The following ARHGEF7 variants were observed in gnomAD, a reference collection of about 807,000 sequenced individuals.
ARHGEF7 encodes Rho guanine nucleotide exchange factor 7, also known as PAK-interacting exchange factor beta.
ARHGEF7 carries 33 observed loss-of-function variants against 109.8 expected under a neutral mutation model. The observed-to-expected ratio is 0.30, with a 90% confidence interval of 0.23 to 0.40. ARHGEF7 has a LOEUF of 0.40. Ranked by LOEUF, ARHGEF7 falls within the 10% of genes least tolerant of loss-of-function variation. The pLI is 1.00. For synonymous variants in ARHGEF7, 458 were observed against 424.6 expected (o/e 1.08, Z -0.97); for missense variants, 938 against 1,098.5 (o/e 0.85, Z 2.07).
Position 111,301,461 on chromosome 13 carries a change from T to G in ARHGEF7, c.2412-17T>G. 1 of 1,611,330 alleles carries G rather than the reference T, an allele frequency of 6.2e-7. No individual in the cohort carries two copies. The highest frequency in any genetic ancestry group is 1.7e-4 in the Middle Eastern group (1 of 6,052). ...CCTCACCTTGTTCATGTGTGTGTGTTCTGTTTCCTGTTTCAGGAGTCTTGT... is the reference window on the plus strand; with the variant it reads ...CCTCACCTTGTTCATGTGTGTGTGTGCTGTTTCCTGTTTCAGGAGTCTTGT... On this transcript the variant is annotated splice_polypyrimidine_tract_variant and intron_variant, in intron 20 of 21. Transcript: ENST00000646102.
At chr13:111,183,200 C>G (rs1038001782) in intron 2 of ARHGEF7, among the ~76,000 whole-genome samples, 1 of 152,172 alleles carries the variant, frequency 6.6e-6, no homozygotes, top group Non-Finnish European at 1.5e-5. Flanking sequence ...CACGCTATGT[C>G]ATTGTACTCG....
In ARHGEF7 at chr13:111,167,702, C is replaced by T. The variant is rs140918857; in HGVS notation, c.252+13711C>T. Among the ~76,000 whole-genome samples the T allele has an allele frequency of 1.3e-4, 20 of 152,356 alleles. No individual in the cohort carries two copies. In the South Asian group the frequency reaches 3.5e-3, roughly 27 times the overall value. On this transcript the variant is annotated intron_variant, in intron 2 of 21. Coordinates refer to ENST00000646102, the MANE Select transcript of ARHGEF7 (RefSeq NM_001354046.2). ...TAAAGGGAAATGTCCACTCTTCTCT[C>T]TCCCTCCTAAATACCCTAACCCTGC... is the stretch of plus-strand genomic sequence containing the variant.
intron 2 of ARHGEF7, among the ~76,000 whole-genome samples, chr13:111,175,771 C>A (rs1292212916): frequency 6.6e-6 from 1 of 152,188 alleles, no homozygotes; most frequent in African/African-American, 2.4e-5. Flanking sequence ...TGTTCTCACA[C>A]TGCTATAGAG....
At chr13:111,224,581 G>A (rs2084934472) in intron 5 of ARHGEF7, among the ~76,000 whole-genome samples, 1 of 152,234 alleles carries the variant, frequency 6.6e-6, no homozygotes, top group Non-Finnish European at 1.5e-5. Flanking sequence ...GTGTTTGGCA[G>A]TGATGTGAGA....
At chr13:111,136,876 G>T (rs2075112631) in intron 1 of ARHGEF7, among the ~76,000 whole-genome samples, 1 of 151,798 alleles carries the variant, frequency 6.6e-6, no homozygotes. Flanking sequence ...AAAGAGAGAA[G>T]AATCAAGTGG....
chr13:111,124,820 C>T (rs1403807895), intron 1 of ARHGEF7, among the ~76,000 whole-genome samples: 1 of 152,194 alleles, frequency 6.6e-6, no homozygotes, highest in African/African-American at 2.4e-5. Context: ...AGTCCAATGG[C>T]ACGATCTCGG....
intron 8 of ARHGEF7, among the ~76,000 whole-genome samples, chr13:111,244,538 G>A (rs1348999482): frequency 6.6e-6 from 1 of 152,150 alleles, no homozygotes; most frequent in South Asian, 2.1e-4. Context: ...AGGAAGAGTC[G>A]GGATGAAGAG....
chr13:111,293,215 T>TA lies in ARHGEF7; in HGVS notation c.2311+922dup, dbSNP rs1478079585. On this transcript the variant is annotated intron_variant, in intron 19 of 21. Transcript: ENST00000646102. ...CTGTAGTAGAGGCATTTGGAATACTTACAAAGTCAAGTGCTGTGGCTTCAG... is the reference window on the plus strand; with the variant it reads ...CTGTAGTAGAGGCATTTGGAATACTTAACAAAGTCAAGTGCTGTGGCTTCAG... 11 of 985,410 alleles carry TA rather than the reference T, an allele frequency of 1.1e-5. No individual in the cohort carries two copies. The East Asian group carries it at 1.1e-3, about 102-fold the overall frequency. 61.0% of individuals were successfully genotyped at this position (985,410 alleles called of 1,614,324 possible). A position where few individuals can be genotyped will look rare whatever the true frequency, so the allele number is the denominator to read the frequency against.
intron 12 of ARHGEF7, among the ~76,000 whole-genome samples, chr13:111,277,039 C>CT (rs937005971): frequency 5.3e-5 from 8 of 152,140 alleles, no homozygotes; most frequent in African/African-American, 1.9e-4. Context: ...GAAAACAACA[C>CT]TGAGTCGACA....
chr13:111,300,638 C>T, intron 19 of ARHGEF7, 110 bp from the exon 20 acceptor site: 2 of 721,126 alleles, frequency 2.8e-6, no homozygotes, highest in Admixed American at 2.9e-5. Flanking sequence ...TTTTTAAATG[C>T]ATAATTGCTA....
chr13:111,278,906 A>T (rs1174965556), intron 13 of ARHGEF7, among the ~76,000 whole-genome samples: 3 of 152,124 alleles, frequency 2.0e-5, no homozygotes, highest in African/African-American at 7.2e-5. Flanking sequence ...TTTGCCCTTG[A>T]TGTGTTGACA....
At position 111,145,515 on chromosome 13, in the gene ARHGEF7, G is replaced by A. The variant is rs189815416; in HGVS notation, c.166-8390G>A. Among the ~76,000 whole-genome samples the A allele has an allele frequency of 1.1e-4, 17 of 152,324 alleles. No homozygotes were observed. In the East Asian group the frequency reaches 2.3e-3, roughly 21 times the overall value. ...TGCCTGACAGGAGCCATGGTCTTCC[G>A]CGAGTGGTGTGTTGGTAAATGTTAA... On this transcript the variant is annotated intron_variant, in intron 1 of 21. Coordinates refer to ENST00000646102, the MANE Select transcript of ARHGEF7 (RefSeq NM_001354046.2). This position sits in a 1 kb window ranked among gnomAD's most constrained non-coding sequence, Gnocchi z 4.3.
At chr13:111,236,765 G>A (rs1276984611) in intron 6 of ARHGEF7, among the ~76,000 whole-genome samples, 1 of 152,136 alleles carries the variant, frequency 6.6e-6, no homozygotes, top group South Asian at 2.1e-4. Flanking sequence ...CTAGGAGTTT[G>A]ACACCAGCCT....
intron 17 of ARHGEF7, among the ~76,000 whole-genome samples, chr13:111,287,540 CA>C (rs772943624): frequency 3.4e-4 from 52 of 152,220 alleles, no homozygotes; most frequent in Admixed American, 3.1e-3. Flanking sequence ...AGACAAGAAA[CA>C]AAACAAGTGA....
intron 8 of ARHGEF7, among the ~76,000 whole-genome samples, chr13:111,260,111 G>T (rs917181529): frequency 6.6e-6 from 1 of 152,186 alleles, no homozygotes; most frequent in African/African-American, 2.4e-5. Flanking sequence ...CCTACAAGAT[G>T]TAGAAAATAG....
At chr13:111,191,949 A>G (rs114355149) in intron 2 of ARHGEF7, among the ~76,000 whole-genome samples, 3,646 of 152,316 alleles carry the variant, frequency 0.024, 74 homozygotes, top group Middle Eastern at 0.11. Context: ...CTGCTTAATC[A>G]TATGATGAAA....
At chr13:111,247,247 A>G (rs2089020088) in intron 8 of ARHGEF7, among the ~76,000 whole-genome samples, 1 of 151,412 alleles carries the variant, frequency 6.6e-6, no homozygotes, top group African/African-American at 2.4e-5. Context: ...CAAATGCCAT[A>G]TATATGTAGC....
chr13:111,270,374 T>G (rs886234923), intron 9 of ARHGEF7, among the ~76,000 whole-genome samples: 2 of 151,706 alleles, frequency 1.3e-5, no homozygotes. Context: ...CAGTCTTTGG[T>G]CAGAGTAGCT....
chr13:111,117,501 T>C (rs902932106), intron 1 of ARHGEF7, among the ~76,000 whole-genome samples: 2 of 152,226 alleles, frequency 1.3e-5, no homozygotes, highest in Non-Finnish European at 2.9e-5. Context: ...AATGAAAGTT[T>C]AATGTGAAGG....
Sources: gnomAD v4.1 joint callset for allele counts (sites outside exome capture counted in the v4.1 genomes callset) on GRCh38, gnomAD v4.1.1 for gene constraint, Gnocchi (gnomAD v3.1) non-coding constraint, MANE v1.5 for transcripts, NCBI Gene and HGNC (gene_info 2026-07-23, HGNC 2026-07-21) for gene names.